Variants in ATP8A2 observed in about 807,000 individuals in gnomAD.
ATP8A2 encodes the protein phospholipid-transporting ATPase IB.
ATP8A2 carries 100 observed loss-of-function variants against 165.6 expected under a neutral mutation model. The observed-to-expected ratio is 0.60, with a 90% CI of 0.51 to 0.71. The LOEUF (loss-of-function observed/expected upper bound fraction) is 0.71, where lower values mean the gene tolerates loss of function less well. ATP8A2 is among the 30% of genes least tolerant of loss of function. ATP8A2 has a pLI of 0.00. For synonymous variants in ATP8A2, 543 were observed against 548.8 expected (o/e 0.99, Z 0.15); for missense variants, 1,227 against 1,479.5 (o/e 0.83, Z 2.80).
intron 35 of ATP8A2, among the ~76,000 whole-genome samples, chr13:25,974,663 C>T (rs529199407): frequency 6.6e-5 from 10 of 152,252 alleles, no homozygotes; most frequent in South Asian, 2.1e-4. Context: ...ACGTCTATGC[C>T]GGTCCTTGCC....
intron 27 of ATP8A2, among the ~76,000 whole-genome samples, chr13:25,810,861 T>A (rs2138512178): frequency 6.6e-6 from 1 of 152,302 alleles, no homozygotes; most frequent in Non-Finnish European, 1.5e-5. Context: ...ATTGGTGTGA[T>A]TATGTCTATC....
chr13:25,911,633 C>T (rs7993179), intron 33 of ATP8A2, among the ~76,000 whole-genome samples: 1 of 152,154 alleles, frequency 6.6e-6, no homozygotes, highest in Admixed American at 6.5e-5. Context: ...AGGATAGGAC[C>T]TGGGCCCAAC....
In ATP8A2 at chr13:26,025,588, G is replaced by C. The variant is rs1957154085; in HGVS notation, c.*5603G>C. On this transcript the variant is annotated 3_prime_UTR_variant, in exon 37 of 37. Coordinates refer to ENST00000381655, the MANE Select transcript of ATP8A2 (RefSeq NM_016529.6). ...TAATTGGCTCCCAGCAGCGTGGGGG[G>C]TGCTTCTATGGTGTGTGGGGTTTTT... 2 of 152,374 alleles carry C rather than the reference G, an allele frequency of 1.3e-5. No individual in the cohort carries two copies. The highest frequency in any genetic ancestry group is 3.9e-4 in the East Asian group (2 of 5,184). The allele number at this position is 152,374 out of a possible 1,614,324, so 9.4% of individuals were successfully genotyped here.
intron 24 of ATP8A2, among the ~76,000 whole-genome samples, chr13:25,633,168 C>T (rs1284529533): frequency 3.3e-5 from 5 of 152,146 alleles, no homozygotes; most frequent in Non-Finnish European, 7.4e-5. Flanking sequence ...TTATAATAAC[C>T]TTTAGAGATC....
intron 1 of ATP8A2, among the ~76,000 whole-genome samples, chr13:25,427,884 C>T (rs1231056200): frequency 2.0e-5 from 3 of 150,992 alleles, no homozygotes; most frequent in Non-Finnish European, 4.4e-5. Context: ...CAGAGTGAGT[C>T]TCTGTCTCAG....
chr13:25,766,938 G>A (rs78250650), intron 25 of ATP8A2, among the ~76,000 whole-genome samples: 1,656 of 152,310 alleles, frequency 0.011, 16 homozygotes, highest in Non-Finnish European at 0.015. Flanking sequence ...CATCCCATGA[G>A]GTGGCTGGTT....
chr13:25,643,954 T>C (rs1036253791), intron 24 of ATP8A2, among the ~76,000 whole-genome samples: 1 of 149,610 alleles, frequency 6.7e-6, no homozygotes, highest in African/African-American at 2.5e-5. Flanking sequence ...TAGTTTTCAG[T>C]GTACATGTCT....
chr13:25,725,351 A>AT (rs1471942880), intron 25 of ATP8A2, among the ~76,000 whole-genome samples: 2 of 152,228 alleles, frequency 1.3e-5, no homozygotes, highest in African/African-American at 4.8e-5. Context: ...AGGGCTAGGA[A>AT]TGGTGACAGG....
At chr13:25,855,987 A>G (rs1332589809) in intron 30 of ATP8A2, among the ~76,000 whole-genome samples, 6 of 152,090 alleles carry the variant, frequency 3.9e-5, no homozygotes, top group Non-Finnish European at 7.4e-5. Context: ...GCCTATTTTT[A>G]AATTTTTTGG....
intron 24 of ATP8A2, among the ~76,000 whole-genome samples, chr13:25,619,149 T>C (rs1310368420): frequency 1.3e-5 from 2 of 152,130 alleles, no homozygotes; most frequent in South Asian, 4.1e-4. Flanking sequence ...GAAGCACCTT[T>C]TGTGGAGGCT....
chr13:25,976,870 C>T (rs1288795228), intron 35 of ATP8A2, among the ~76,000 whole-genome samples: 2 of 152,200 alleles, frequency 1.3e-5, no homozygotes, highest in East Asian at 1.9e-4. Flanking sequence ...CTCGCTGCAA[C>T]CTCTGCCTCC....
rs1415757462 is a variant in ATP8A2, at chr13:25,953,250, G to C, written c.3184-8325G>C. Among the ~76,000 whole-genome samples, 1 of 151,950 alleles carries C rather than the reference G, an allele frequency of 6.6e-6. No homozygotes were observed. The highest frequency in any genetic ancestry group is 1.5e-5 in the Non-Finnish European group (1 of 68,004). On this transcript the variant is annotated intron_variant, in intron 33 of 36. Transcript: ENST00000381655. The surrounding 1 kb of genome is among the most constrained non-coding windows in gnomAD (Gnocchi z 6.7). ...TTTGAAGTTGGCACTGGTGTTGCTG[G>C]GCCAACCAGCATCTTGAGGACTCAA... is the stretch of plus-strand genomic sequence containing the variant.
chr13:25,831,429 G>T (rs1951466766), intron 28 of ATP8A2, among the ~76,000 whole-genome samples: 1 of 151,918 alleles, frequency 6.6e-6, no homozygotes, highest in South Asian at 2.1e-4. Context: ...TAGCCAGGAT[G>T]GTCTCAATCT....
chr13:25,447,107 C>A (rs2035090398), intron 1 of ATP8A2, among the ~76,000 whole-genome samples: 1 of 152,136 alleles, frequency 6.6e-6, no homozygotes, highest in African/African-American at 2.4e-5. Flanking sequence ...TTAGACTAAG[C>A]AAACAAACTA....
intron 25 of ATP8A2, among the ~76,000 whole-genome samples, chr13:25,753,309 T>C (rs2044193543): frequency 6.6e-6 from 1 of 152,226 alleles, no homozygotes; most frequent in East Asian, 1.9e-4. Context: ...CAATCCTTTA[T>C]ACAGCCATTT....
intron 33 of ATP8A2, among the ~76,000 whole-genome samples, chr13:25,935,927 C>T (rs558027962): frequency 1.1e-3 from 168 of 152,212 alleles, no homozygotes; most frequent in Non-Finnish European, 1.9e-3. Context: ...AATATGAGAC[C>T]TTTGGTGGAG....
At chr13:25,568,915 A>G (rs1352992322) in intron 16 of ATP8A2, among the ~76,000 whole-genome samples, 1 of 152,154 alleles carries the variant, frequency 6.6e-6, no homozygotes. Context: ...AAGAAAACCA[A>G]TGATAGGTTA....
At chr13:25,984,955 C>A (rs980379232) in intron 35 of ATP8A2, among the ~76,000 whole-genome samples, 3 of 152,316 alleles carry the variant, frequency 2.0e-5, no homozygotes, top group East Asian at 3.9e-4. Context: ...GAACAACTTA[C>A]ATTAGAGAAA....
intron 24 of ATP8A2, among the ~76,000 whole-genome samples, chr13:25,654,546 C>T (rs2041885019): frequency 6.6e-6 from 1 of 152,122 alleles, no homozygotes; most frequent in African/African-American, 2.4e-5. Flanking sequence ...GATGTTAAGT[C>T]ATTGCACTGA....
Sources: gnomAD v4.1 joint callset for allele counts (sites outside exome capture counted in the v4.1 genomes callset) on GRCh38, gnomAD v4.1.1 for gene constraint, Gnocchi (gnomAD v3.1) non-coding constraint, MANE v1.5 for transcripts, NCBI Gene and HGNC (gene_info 2026-07-23, HGNC 2026-07-21) for gene names.